The following PCDH15 variants were observed in gnomAD, a reference collection of about 807,000 sequenced individuals.
PCDH15 encodes protocadherin-15.
Under a neutral mutation model 178.5 loss-of-function variants are expected in PCDH15, and 129 were observed. The observed-to-expected ratio is 0.72, with a 90% CI of 0.63 to 0.84. PCDH15 has a LOEUF of 0.84. Ranked by LOEUF, PCDH15 falls within the 40% of genes least tolerant of loss-of-function variation. PCDH15 has a pLI of 0.00. For missense variants in PCDH15, 2,230 were observed against 2,099.9 expected, an observed-to-expected ratio of 1.06 and a Z score of -1.21; for synonymous variants, 800 against 732.0, an observed-to-expected ratio of 1.09 and a Z score of -1.50.
At position 55,187,726 on chromosome 10, in the gene PCDH15, A is replaced by G. The variant is rs1202617884; in HGVS notation, c.-155-21075T>C. Among the ~76,000 whole-genome samples, 29 of 151,962 alleles carry G rather than the reference A, an allele frequency of 1.9e-4. 1 individual carries two copies. Among genetic ancestry groups the G allele is most frequent in the Admixed American group, 1.9e-3 (29 of 15,200 alleles). Reference sequence around the variant, plus strand: ...TTATTTTTTAGATTTTTAAATGTTCATTAATAAACATCAACAACAAAGAAA... The same window carrying G: ...TTATTTTTTAGATTTTTAAATGTTCGTTAATAAACATCAACAACAAAGAAA... On this transcript the variant is annotated intron_variant, in intron 1 of 5. Coordinates refer to the PCDH15 transcript ENST00000458638.
At chr10:54,870,647 G>T (rs895433873) in intron 3 of PCDH15, among the ~76,000 whole-genome samples, 1 of 152,012 alleles carries the variant, frequency 6.6e-6, no homozygotes, top group East Asian at 1.9e-4. Flanking sequence ...TTAGCCGGGC[G>T]TGGTGGCGGG....
intron 11 of PCDH15, among the ~76,000 whole-genome samples, chr10:54,190,670 T>C (rs909806963): frequency 2.6e-5 from 4 of 152,194 alleles, no homozygotes; most frequent in Non-Finnish European, 5.9e-5. Flanking sequence ...TCTCCCAAAA[T>C]GCTGAGATTA....
intron 1 of PCDH15, among the ~76,000 whole-genome samples, chr10:55,273,330 AG>A (rs1018733999): frequency 6.6e-6 from 1 of 152,176 alleles, no homozygotes; most frequent in African/African-American, 2.4e-5. Flanking sequence ...CTGCTCTAAA[AG>A]AAAAATGAAT....
Position 55,326,854 on chromosome 10 carries a change from T to C in PCDH15, c.-155-160203A>G, listed in dbSNP as rs1018405546. 4.6e-5 allele frequency among the ~76,000 whole-genome samples: 7 copies of C among 152,206 alleles called. No homozygotes were observed. The East Asian group carries it at 1.4e-3, about 29-fold the overall frequency. On this transcript the variant is annotated intron_variant, in intron 2 of 5. Coordinates refer to the PCDH15 transcript ENST00000613346. ...ATTCTCAAAGATAAATACTCAGATC[T>C]AGACAGTGCCAAAAAACTCAAGCAT... is the stretch of plus-strand genomic sequence containing the variant.
At chr10:55,000,236 C>T (rs907015928) in intron 2 of PCDH15, among the ~76,000 whole-genome samples, 5 of 152,120 alleles carry the variant, frequency 3.3e-5, no homozygotes, top group African/African-American at 1.2e-4. Context: ...TAAAAGACGG[C>T]CACCTGCTGA....
At chr10:54,469,637 A>C (rs377634091) in intron 3 of PCDH15, among the ~76,000 whole-genome samples, 1 of 152,266 alleles carries the variant, frequency 6.6e-6, no homozygotes, top group African/African-American at 2.4e-5. Flanking sequence ...GGCTGCATAC[A>C]CTAGCACTGG....
intron 1 of PCDH15, among the ~76,000 whole-genome samples, chr10:55,270,737 T>G (rs1449659439): frequency 6.6e-6 from 1 of 152,182 alleles, no homozygotes; most frequent in Admixed American, 6.5e-5. Context: ...AGTGTGGAGA[T>G]TTCTCAAAGA....
At position 54,307,100 on chromosome 10, in the gene PCDH15, G is replaced by GTA. The variant is rs1564922761; in HGVS notation, c.876+10170_876+10171insTA. 9.0e-4 allele frequency among the ~76,000 whole-genome samples: 14 copies of GTA among 15,532 alleles called. 1 individual carries two copies. The highest frequency in any genetic ancestry group is 3.8e-3 in the African/African-American group (13 of 3,434). The allele number at this position is 15,532 out of a possible 152,430, so 10.2% of individuals were successfully genotyped here. On this transcript the variant is annotated intron_variant, in intron 8 of 37. Transcript: ENST00000644397. ...TATATACATATATATATATGTGTGT[G>GTA]TGTGTATATATATATATATATATAT...
chr10:54,355,383 G>A (rs185363761), intron 5 of PCDH15, among the ~76,000 whole-genome samples: 38 of 151,738 alleles, frequency 2.5e-4, no homozygotes, highest in South Asian at 1.0e-3. Context: ...AAAATGTTTT[G>A]GGTTATTTTA....
At chr10:54,469,676 T>C (rs1045649417) in intron 3 of PCDH15, among the ~76,000 whole-genome samples, 2 of 152,168 alleles carry the variant, frequency 1.3e-5, no homozygotes, top group Non-Finnish European at 2.9e-5. Flanking sequence ...AGCAGGTCTA[T>C]GCAATTCTGT....
At chr10:54,706,378 G>A (rs1204238964) in intron 1 of PCDH15, among the ~76,000 whole-genome samples, 1 of 152,062 alleles carries the variant, frequency 6.6e-6, no homozygotes, top group Non-Finnish European at 1.5e-5. Flanking sequence ...TGGGTTTCAT[G>A]TTATTTAGTC....
intron 15 of PCDH15, among the ~76,000 whole-genome samples, chr10:54,111,167 A>T (rs10825236): frequency 1.3e-5 from 2 of 152,036 alleles, no homozygotes; most frequent in Admixed American, 6.5e-5. Flanking sequence ...ACAATAGCTG[A>T]CAGCATGTGA....
chr10:55,170,228 C>T (rs879921161), intron 1 of PCDH15, among the ~76,000 whole-genome samples: 1 of 152,188 alleles, frequency 6.6e-6, no homozygotes, highest in Admixed American at 6.5e-5. Context: ...TGGCTCACTA[C>T]AGGCTTGACC....
rs552168213 is a variant in PCDH15 at position 53,831,233 on chromosome 10, A to G, written c.4202+82T>C. The G allele has an allele frequency of 7.6e-4, 961 of 1,270,220 alleles. 5 individuals are homozygous for G. The highest frequency in any genetic ancestry group is 9.7e-4 in the Non-Finnish European group (844 of 866,418). 78.7% of individuals were successfully genotyped at this position (1,270,220 alleles called of 1,614,324 possible). On this transcript the variant is annotated intron_variant, in intron 30 of 37. Transcript: ENST00000644397. ...AGTAGTTGCACCATCAATATTTTAC[A>G]ACGCAAAGCCATGTTACCAGAGATG...
chr10:54,756,089 A>ACACACACACACACACACACACACACT (rs143374986), intron 1 of PCDH15, among the ~76,000 whole-genome samples: 30 of 148,226 alleles, frequency 2.0e-4, no homozygotes, highest in Admixed American at 1.8e-3. Context: ...ACACACACAC[A>ACACACACACACACACACACACACACT]CACACACAAA....
chr10:54,763,530 A>G (rs1444917301), intron 1 of PCDH15, among the ~76,000 whole-genome samples: 1 of 152,050 alleles, frequency 6.6e-6, no homozygotes, highest in Admixed American at 6.6e-5. Flanking sequence ...AGAAGAAATA[A>G]GTTCTAGAGT....
chr10:55,607,162 G>A (rs1302131322), intron 2 of PCDH15, among the ~76,000 whole-genome samples: 1 of 151,158 alleles, frequency 6.6e-6, no homozygotes, highest in East Asian at 1.9e-4. Flanking sequence ...CATCATCACT[G>A]GCCATCAGAG....
chr10:54,696,762 C>A (rs2095232547), intron 1 of PCDH15, among the ~76,000 whole-genome samples: 1 of 151,900 alleles, frequency 6.6e-6, no homozygotes, highest in Non-Finnish European at 1.5e-5. Context: ...CATGCCCATT[C>A]CTTAGGTTTC....
chr10:55,170,754 C>A (rs747625101), intron 1 of PCDH15, among the ~76,000 whole-genome samples: 7 of 151,972 alleles, frequency 4.6e-5, no homozygotes. Flanking sequence ...TGGTGGCATG[C>A]GCCTGTAATC....
Sources: allele counts gnomAD v4.1 joint callset (sites outside exome capture counted in the v4.1 genomes callset), GRCh38; gene constraint gnomAD v4.1.1; transcripts MANE v1.5; gene names NCBI Gene and HGNC (gene_info 2026-07-23, HGNC 2026-07-21).